FCAR: variants seen among roughly 807,000 people sequenced by gnomAD.
The protein encoded by FCAR is immunoglobulin alpha Fc receptor.
FCAR carries 21 observed loss-of-function variants against 27.1 expected under a neutral mutation model. The ratio of observed to expected loss-of-function variants is 0.77; its 90% CI spans 0.55 to 1.11. FCAR has a LOEUF of 1.11. FCAR is among the 50% of genes most tolerant of loss of function. The pLI, the probability that FCAR is intolerant of heterozygous loss-of-function variation, is 0.00. For synonymous variants in FCAR, 134 were observed against 135.8 expected, an observed-to-expected ratio of 0.99 and a Z score of 0.09; for missense variants, 404 against 358.4, an observed-to-expected ratio of 1.13 and a Z score of -1.03.
chr19:54,879,831 C>T (rs1477352667), intron 2 of FCAR, among the ~76,000 whole-genome samples: 2 of 152,060 alleles, frequency 1.3e-5, no homozygotes, highest in Non-Finnish European at 2.9e-5. Flanking sequence ...CTACAGGTGC[C>T]CACCACCACG....
chr19:54,876,137 GT>G (rs746729627), intron 2 of FCAR, among the ~76,000 whole-genome samples: 13 of 152,176 alleles, frequency 8.5e-5, no homozygotes, highest in Non-Finnish European at 1.9e-4. Flanking sequence ...CAGCTTAGAT[GT>G]TTTTGGTGTA....
Position 54,889,868 on chromosome 19 carries a change from C to T in FCAR, c.*5C>T, listed in dbSNP as rs748634993. 5.6e-6 allele frequency: 9 copies of T among 1,594,244 alleles called. No individual in the cohort carries two copies. In the Admixed American group the frequency reaches 1.0e-4, roughly 18 times the overall value. Reference sequence around the variant, plus strand: ...ACACCAAGTGTCTGCAAGTAAACACCTGGAGGTGAAGGCAGAGAGGAGCCA... The same window carrying T: ...ACACCAAGTGTCTGCAAGTAAACACTTGGAGGTGAAGGCAGAGAGGAGCCA... On this transcript the variant is annotated 3_prime_UTR_variant, in exon 5 of 5. Transcript: ENST00000355524.
At chr19:54,879,796 G>C (rs1463686044) in intron 2 of FCAR, among the ~76,000 whole-genome samples, 2 of 151,452 alleles carry the variant, frequency 1.3e-5, no homozygotes, top group Non-Finnish European at 2.9e-5. Context: ...CCATTCTCCT[G>C]CCTCAGCCTC....
intron 2 of FCAR, among the ~76,000 whole-genome samples, chr19:54,877,290 C>G (rs1343600679): frequency 1.3e-5 from 2 of 152,212 alleles, no homozygotes; most frequent in Non-Finnish European, 2.9e-5. Flanking sequence ...CATTATTGGT[C>G]TGTTCATGTA....
intron 3 of FCAR, 31 bp downstream of exon 3, chr19:54,885,556 G>C: frequency 6.6e-7 from 1 of 1,517,836 alleles, no homozygotes; most frequent in Non-Finnish European, 9.0e-7. Context: ...CACAGCCCTG[G>C]TGTGATTTTT....
At chr19:54,878,775 A>ATTTTTT (rs1556705206) in intron 2 of FCAR, among the ~76,000 whole-genome samples, 1 of 87,140 alleles carries the variant, frequency 1.1e-5, no homozygotes, top group Non-Finnish European at 2.3e-5. Flanking sequence ...TTGGCTTTCC[A>ATTTTTT]TTTGCTTGGT....
chr19:54,886,298 TTTA>T (rs1467031974), intron 3 of FCAR, among the ~76,000 whole-genome samples: 37,455 of 81,216 alleles, frequency 0.46, 10,157 homozygotes, highest in African/African-American at 0.65. Flanking sequence ...GTCATGTATC[TTTA>T]TTTTTTTTTT....
intron 3 of FCAR, 86 bp from the exon 4 acceptor site, chr19:54,887,921 A>G: frequency 1.7e-6 from 2 of 1,150,298 alleles, no homozygotes; most frequent in East Asian, 5.5e-5. Context: ...CCATCTCAAA[A>G]AAATATATAA....
rs757473824 is a variant in FCAR at position 54,888,046 on chromosome 19, T to A, written c.401T>A (p.Leu134Gln). ...CCCTTCCTCTCTGCAGATCGGGGTC[T>A]GGTGTTGATGCCAGGAGAGAATATT... ...GKPFLSADRGLVLMPGENISL... is the reference protein window; with the variant it reads ...GKPFLSADRGQVLMPGENISL... The change falls in exon 4 of 5, where the codon CTG becomes CAG. Residue 134 changes from leucine to glutamine, a missense_variant. By Grantham distance (113) the Leu-to-Gln change is moderately radical (BLOSUM62 -2). Coordinates refer to ENST00000355524, the MANE Select transcript of FCAR (RefSeq NM_002000.4). The A allele has an allele frequency of 6.2e-7, 1 of 1,614,190 alleles. No homozygotes were observed. The highest frequency in any genetic ancestry group is 1.1e-5 in the South Asian group (1 of 91,082).
intron 2 of FCAR, among the ~76,000 whole-genome samples, chr19:54,880,259 C>G (rs952826971): frequency 1.5e-5 from 2 of 137,196 alleles, no homozygotes; most frequent in Non-Finnish European, 3.2e-5. Context: ...AATTTTTATT[C>G]TTTTTCTTCA....
Position 54,890,454 on chromosome 19 carries a change from G to A in FCAR, c.*591G>A, listed in dbSNP as rs2067017898. 1 of 151,320 alleles carries A rather than the reference G, an allele frequency of 6.6e-6. No homozygotes were observed. The highest frequency in any genetic ancestry group is 2.4e-5 in the African/African-American group (1 of 41,114). 9.4% of individuals were successfully genotyped at this position (151,320 alleles called of 1,614,324 possible). On this transcript the variant is annotated 3_prime_UTR_variant, in exon 5 of 5. Coordinates refer to ENST00000355524, the MANE Select transcript of FCAR (RefSeq NM_002000.4). ...TATTTTTATTTTTATTTGAGACAGA[G>A]TCTCACTCTGTTGCCCAGGCTGGAG... is the stretch of plus-strand genomic sequence containing the variant.
chr19:54,881,075 G>A (rs978392350), intron 2 of FCAR, among the ~76,000 whole-genome samples: 1 of 152,164 alleles, frequency 6.6e-6, no homozygotes, highest in African/African-American at 2.4e-5. Flanking sequence ...CGTGGCTTGG[G>A]GGCAGCAGGG....
At position 54,889,726 on chromosome 19, in the gene FCAR, G is replaced by A. The variant is rs766118301; in HGVS notation, c.727G>A (p.Ala243Thr). ...VAGLVLVALL[A>T]ILVENWHSHT... ...AGGACTGGTCCTCGTGGCTCTCTTG[G>A]CCATACTGGTTGAAAATTGGCACAG... The change falls in exon 5 of 5, where the codon GCC becomes ACC. Residue 243 changes from alanine to threonine, a missense_variant. Transcript: ENST00000355524. The A allele has an allele frequency of 9.4e-5, 152 of 1,613,946 alleles. No homozygotes were observed. Among genetic ancestry groups the A allele is most frequent in the Non-Finnish European group, 1.2e-4 (144 of 1,180,014 alleles).
chr19:54,879,406 G>A (rs10402743), intron 2 of FCAR, among the ~76,000 whole-genome samples: 44,413 of 151,942 alleles, frequency 0.29, 6,593 homozygotes, highest in South Asian at 0.4. Context: ...CATATTTAGC[G>A]TTCCTCTTAG....
Position 54,875,322 on chromosome 19 carries a change from T to C in FCAR, c.35-8T>C, listed in dbSNP as rs375350117. Reference sequence around the variant, plus strand: ...AAGCTTGATTTTTCATAAATCTCTCTCTTCCAGTGCTCTGTCTGGGCCAGA... The same window carrying C: ...AAGCTTGATTTTTCATAAATCTCTCCCTTCCAGTGCTCTGTCTGGGCCAGA... On this transcript the variant is annotated splice_region_variant and splice_polypyrimidine_tract_variant and intron_variant, in intron 1 of 4. Coordinates refer to ENST00000355524, the MANE Select transcript of FCAR (RefSeq NM_002000.4). 5.4e-5 allele frequency: 87 copies of C among 1,613,072 alleles called. 2 individuals are homozygous for C. The highest frequency in any genetic ancestry group is 3.3e-4 in the East Asian group (15 of 44,876).
At chr19:54,880,098 G>A (rs2145862103) in intron 2 of FCAR, among the ~76,000 whole-genome samples, 1 of 152,226 alleles carries the variant, frequency 6.6e-6, no homozygotes, top group South Asian at 2.1e-4. Context: ...TTGATTCTTG[G>A]CCTCTCTAGT....
intron 3 of FCAR, 144 bp downstream of exon 3, chr19:54,885,669 C>A: frequency 1.6e-6 from 1 of 622,176 alleles, no homozygotes; most frequent in Non-Finnish European, 2.8e-6. Flanking sequence ...CACCCCACTT[C>A]CCCCAGAGTT....
At chr19:54,885,941 C>G (rs149064032) in intron 3 of FCAR, among the ~76,000 whole-genome samples, 2,046 of 151,616 alleles carry the variant, frequency 0.013, 24 homozygotes, top group Non-Finnish European at 0.022. Context: ...GTGAATTCCC[C>G]GTCTCTACTG....
At position 54,875,321 on chromosome 19, in the gene FCAR, C is replaced by T. The variant is rs769869252; in HGVS notation, c.35-9C>T. 6.2e-7 allele frequency: 1 copy of T among 1,612,988 alleles called. No individual in the cohort carries two copies. Among genetic ancestry groups the T allele is most frequent in the Non-Finnish European group, 8.5e-7 (1 of 1,179,290 alleles). Reference sequence around the variant, plus strand: ...GAAGCTTGATTTTTCATAAATCTCTCTCTTCCAGTGCTCTGTCTGGGCCAG... The same window carrying T: ...GAAGCTTGATTTTTCATAAATCTCTTTCTTCCAGTGCTCTGTCTGGGCCAG... On this transcript the variant is annotated splice_polypyrimidine_tract_variant and intron_variant, in intron 1 of 4. Transcript: ENST00000355524.
Sources: allele counts gnomAD v4.1 joint callset (sites outside exome capture counted in the v4.1 genomes callset), GRCh38; gene constraint gnomAD v4.1.1; transcripts MANE v1.5; gene names NCBI Gene and HGNC (gene_info 2026-07-23, HGNC 2026-07-21).